ADRA2C: variants seen among roughly 807,000 people sequenced by gnomAD.
ADRA2C encodes the protein adrenoceptor alpha 2C.
In ADRA2C, 4 loss-of-function variants were observed where a neutral mutation model predicts 7.9. That is an observed-to-expected ratio of 0.51 (90% CI 0.25 to 1.16). ADRA2C has a LOEUF of 1.16. ADRA2C is among the 50% of genes most tolerant of loss of function. ADRA2C has a pLI of 0.15. For missense variants in ADRA2C, 589 were observed against 677.7 expected (o/e 0.87, Z 1.45); for synonymous variants, 368 against 328.9 (o/e 1.12, Z -1.29).
chr4:3,766,471 G>T lies in ADRA2C; in HGVS notation c.-136G>T. ...GAGCCACCACGGCCGAGGGCCGGCT[G>T]CTGGGCGCCGCGGTCCCCGGCGGGC... On this transcript the variant is annotated 5_prime_UTR_variant, in exon 1 of 1. Transcript: ENST00000330055. This position sits in a 1 kb window ranked among gnomAD's most constrained non-coding sequence, Gnocchi z 4.5. The T allele has an allele frequency of 3.7e-6, 2 of 545,048 alleles. No individual in the cohort carries two copies. The highest frequency in any genetic ancestry group is 4.7e-6 in the Non-Finnish European group (2 of 430,022). The allele number at this position is 545,048 out of a possible 1,614,324, so 33.8% of individuals were successfully genotyped here.
chr4:3,768,021 C>G lies in ADRA2C; in HGVS notation c.*26C>G. 1 of 1,571,434 alleles carries G rather than the reference C, an allele frequency of 6.4e-7. No homozygotes were observed. On this transcript the variant is annotated 3_prime_UTR_variant, in exon 1 of 1. Coordinates refer to ENST00000330055, the MANE Select transcript of ADRA2C (RefSeq NM_000683.4). ...CTCGCACCCGTCTGGGAATCCTGGACAGCTCCGCGCTCGGGGCTGGGCAGA... is the reference window on the plus strand; with the variant it reads ...CTCGCACCCGTCTGGGAATCCTGGAGAGCTCCGCGCTCGGGGCTGGGCAGA...
Position 3,768,071 on chromosome 4 carries a change from T to TTCCCCGAGACCCGGGGAGCTC in ADRA2C, c.*80_*81insCGAGACCCGGGGAGCTCTCCC. 1 of 1,473,146 alleles carries TTCCCCGAGACCCGGGGAGCTC rather than the reference T, an allele frequency of 6.8e-7. No homozygotes were observed. Among genetic ancestry groups the TTCCCCGAGACCCGGGGAGCTC allele is most frequent in the Non-Finnish European group, 9.2e-7 (1 of 1,087,090 alleles). The allele number at this position is 1,473,146 out of a possible 1,614,324, so 91.3% of individuals were successfully genotyped here. Reference sequence around the variant, plus strand: ...AAGGGGCGGCCCGGACGGGGGAGCTTTCCCAGAGACCCGGGGATGGATTGG... The same window carrying TTCCCCGAGACCCGGGGAGCTC: ...AAGGGGCGGCCCGGACGGGGGAGCTTTCCCCGAGACCCGGGGAGCTCTCCCAGAGACCCGGGGATGGATTGG... On this transcript the variant is annotated 3_prime_UTR_variant, in exon 1 of 1. Transcript: ENST00000330055.
Position 3,767,172 on chromosome 4 carries a change from C to T in ADRA2C, c.566C>T (p.Ser189Leu). Residue 189 changes from serine to leucine, a missense_variant, in exon 1 of 1, where the codon TCG (serine) becomes TTG (leucine). Coordinates refer to ENST00000330055, the MANE Select transcript of ADRA2C (RefSeq NM_000683.4). Reference sequence around the variant, plus strand: ...GTCATCTCCTTCCCGCCGCTGGTCTCGCTCTACCGCCAGCCCGACGGCGCC... The same window carrying T: ...GTCATCTCCTTCCCGCCGCTGGTCTTGCTCTACCGCCAGCCCGACGGCGCC... ...SAVISFPPLVSLYRQPDGAAY... is the reference protein window; with the variant it reads ...SAVISFPPLVLLYRQPDGAAY... The T allele has an allele frequency of 6.2e-7, 1 of 1,609,792 alleles. No individual in the cohort carries two copies. The highest frequency in any genetic ancestry group is 8.5e-7 in the Non-Finnish European group (1 of 1,179,646).
chr4:3,767,795 C>T lies in ADRA2C; in HGVS notation c.1189C>T (p.Pro397Ser). ...VMGVFVLCWF[P>S]FFFSYSLYGI... ...GGGCGTGTTCGTGCTCTGCTGGTTC[C>T]CCTTCTTCTTCAGCTACAGCCTGTA... The change falls in exon 1 of 1, where the codon CCC becomes TCC. Residue 397 changes from proline to serine, a missense_variant. Coordinates refer to ENST00000330055, the MANE Select transcript of ADRA2C (RefSeq NM_000683.4). 6.2e-7 allele frequency: 1 copy of T among 1,613,288 alleles called. No individual in the cohort carries two copies. Among genetic ancestry groups the T allele is most frequent in the Non-Finnish European group, 8.5e-7 (1 of 1,179,858 alleles).
Position 3,767,370 on chromosome 4 carries a change from G to A in ADRA2C, c.764G>A (p.Gly255Asp), listed in dbSNP as rs1242250190. ...AAGCGCGCCCCCGTGGGCCCCGACG[G>A]TGCGTCCCCGACTACCGAAAACGGG... ...SEKRAPVGPD[G>D]ASPTTENGLG... Residue 255 changes from glycine to aspartate, a missense_variant, in exon 1 of 1, where the codon GGT (glycine) becomes GAT (aspartate). Coordinates refer to ENST00000330055, the MANE Select transcript of ADRA2C (RefSeq NM_000683.4). 1 of 1,540,922 alleles carries A rather than the reference G, an allele frequency of 6.5e-7. No individual in the cohort carries two copies. The highest frequency in any genetic ancestry group is 2.4e-5 in the East Asian group (1 of 40,884).
chr4:3,767,190 A>G lies in ADRA2C; in HGVS notation c.584A>G (p.Asp195Gly). 1.2e-6 allele frequency: 2 copies of G among 1,610,090 alleles called. No individual in the cohort carries two copies. Among genetic ancestry groups the G allele is most frequent in the Non-Finnish European group, 1.7e-6 (2 of 1,179,518 alleles). ...PPLVSLYRQP[D>G]GAAYPQCGLN... is the part of the protein sequence containing the mutation. ...CTGGTCTCGCTCTACCGCCAGCCCG[A>G]CGGCGCCGCCTACCCGCAGTGCGGC... The change falls in exon 1 of 1, where the codon GAC becomes GGC. Residue 195 changes from aspartate (D) to glycine (G), a missense_variant. Coordinates refer to ENST00000330055, the MANE Select transcript of ADRA2C (RefSeq NM_000683.4).
Position 3,767,145 on chromosome 4 carries a change from C to T in ADRA2C, c.539C>T (p.Ala180Val), listed in dbSNP as rs1735463415. 1.2e-6 allele frequency: 2 copies of T among 1,608,260 alleles called. No individual in the cohort carries two copies. Among genetic ancestry groups the T allele is most frequent in the Non-Finnish European group, 1.7e-6 (2 of 1,179,608 alleles). The change falls in exon 1 of 1, where the codon GCC becomes GTC. Residue 180 changes from alanine to valine, a missense_variant. Transcript: ENST00000330055. ...ATIVAVWLIS[A>V]VISFPPLVSL... ...ATCGTGGCCGTGTGGCTCATCTCGG[C>T]CGTCATCTCCTTCCCGCCGCTGGTC... is the stretch of plus-strand genomic sequence containing the variant.
rs1189024986 is a variant in ADRA2C at position 3,766,561 on chromosome 4, G to A, written c.-46G>A. On this transcript the variant is annotated 5_prime_UTR_variant, in exon 1 of 1. Transcript: ENST00000330055. This position sits in a 1 kb window ranked among gnomAD's most constrained non-coding sequence, Gnocchi z 4.5. ...GCTGGGGGGCGCCCGAGCTGCCGCG[G>A]CTGCGCCCCGGCTCCAGGAGGGACG... 8.9e-7 allele frequency: 1 copy of A among 1,120,788 alleles called. No homozygotes were observed. The highest frequency in any genetic ancestry group is 1.7e-5 in the African/African-American group (1 of 60,106). 69.4% of individuals were successfully genotyped at this position (1,120,788 alleles called of 1,614,324 possible).
At position 3,766,548 on chromosome 4, in the gene ADRA2C, C is replaced by G; in HGVS notation, c.-59C>G. The G allele has an allele frequency of 9.2e-7, 1 of 1,084,710 alleles. No individual in the cohort carries two copies. The highest frequency in any genetic ancestry group is 1.1e-6 in the Non-Finnish European group (1 of 895,446). 67.2% of individuals were successfully genotyped at this position (1,084,710 alleles called of 1,614,324 possible). A position where few individuals can be genotyped will look rare whatever the true frequency, so the allele number is the denominator to read the frequency against. ...GGCGCCGACCCCGGCTGGGGGGCGC[C>G]CGAGCTGCCGCGGCTGCGCCCCGGC... On this transcript the variant is annotated 5_prime_UTR_variant, in exon 1 of 1. Transcript: ENST00000330055. The surrounding 1 kb of genome is among the most constrained non-coding windows in gnomAD (Gnocchi z 4.5).
Position 3,767,291 on chromosome 4 carries a change from G to T in ADRA2C, c.685G>T (p.Val229Phe). The change falls in exon 1 of 1, where the codon GTC (valine) becomes TTC (phenylalanine). Residue 229 changes from valine to phenylalanine, a missense_variant. Transcript: ENST00000330055. The part of the protein sequence containing the change: ...FFAPCLIMGL[V>F]YARIYRVAKL... ...CGCGCCCTGCCTCATCATGGGCCTGGTCTACGCGCGCATCTACCGAGTGGC... is the reference window on the plus strand; with the variant it reads ...CGCGCCCTGCCTCATCATGGGCCTGTTCTACGCGCGCATCTACCGAGTGGC... The T allele has an allele frequency of 1.9e-6, 3 of 1,599,398 alleles. No homozygotes were observed. Among genetic ancestry groups the T allele is most frequent in the Non-Finnish European group, 2.6e-6 (3 of 1,174,110 alleles).
Position 3,766,879 on chromosome 4 carries a change from G to A in ADRA2C, c.273G>A (p.Val91=), listed in dbSNP as rs574606216. The change falls in exon 1 of 1, where the codon GTG becomes GTA. Residue 91 remains valine, a synonymous_variant. Coordinates refer to ENST00000330055, the MANE Select transcript of ADRA2C (RefSeq NM_000683.4). The surrounding 1 kb of genome is among the most constrained non-coding windows in gnomAD (Gnocchi z 4.5). ...GCGCGCCACAGAACCTCTTCCTGGT[G>A]TCGCTGGCCTCGGCCGACATCCTGG... ...ALRAPQNLFL[V]SLASADILVA... 9 of 1,608,072 alleles carry A rather than the reference G, an allele frequency of 5.6e-6. No homozygotes were observed. The highest frequency in any genetic ancestry group is 1.7e-5 in the Admixed American group (1 of 59,396).
chr4:3,767,460 C>G lies in ADRA2C; in HGVS notation c.854C>G (p.Pro285Arg), dbSNP rs912042800. 4 of 1,466,368 alleles carry G rather than the reference C, an allele frequency of 2.7e-6. No homozygotes were observed. The African/African-American group carries it at 4.5e-5, about 16-fold the overall frequency. 90.8% of individuals were successfully genotyped at this position (1,466,368 alleles called of 1,614,324 possible). ...GCGCCCCCGCCCGCCGACGTGGAGC[C>G]GGACGAGAGCAGCGCAGCGGCCGAG... ...HCAPPPADVE[P>R]DESSAAAERR... is the part of the protein sequence containing the mutation. The change falls in exon 1 of 1, where the codon CCG becomes CGG. Residue 285 changes from proline (P) to arginine (R), a missense_variant. By Grantham distance (103) the Pro-to-Arg change is moderately radical. Coordinates refer to ENST00000330055, the MANE Select transcript of ADRA2C (RefSeq NM_000683.4).
Position 3,768,062 on chromosome 4 carries a change from G to GGGGGAGCGTTCCCAGAGACCC in ADRA2C, c.*74_*75insGTTCCCAGAGACCCGGGGAGC, listed in dbSNP as rs1735499102. Reference sequence around the variant, plus strand: ...GCTGGGCAGAAGGGGCGGCCCGGACGGGGGAGCTTTCCCAGAGACCCGGGG... The same window carrying GGGGGAGCGTTCCCAGAGACCC: ...GCTGGGCAGAAGGGGCGGCCCGGACGGGGGAGCGTTCCCAGAGACCCGGGGAGCTTTCCCAGAGACCCGGGG... On this transcript the variant is annotated 3_prime_UTR_variant, in exon 1 of 1. Transcript: ENST00000330055. 2 of 1,157,882 alleles carry GGGGGAGCGTTCCCAGAGACCC rather than the reference G, an allele frequency of 1.7e-6. No individual in the cohort carries two copies. Among genetic ancestry groups the GGGGGAGCGTTCCCAGAGACCC allele is most frequent in the Admixed American group, 2.4e-5 (1 of 41,426 alleles). The allele number at this position is 1,157,882 out of a possible 1,614,324, so 71.7% of individuals were successfully genotyped here.
chr4:3,768,388 A>C lies in ADRA2C; in HGVS notation c.*393A>C. 4.6e-6 allele frequency: 3 copies of C among 658,564 alleles called. No homozygotes were observed. The highest frequency in any genetic ancestry group is 8.5e-6 in the Non-Finnish European group (3 of 354,182). The allele number at this position is 658,564 out of a possible 1,614,324, so 40.8% of individuals were successfully genotyped here. ...CGTCTGACCAAGGGCTGACTTCTCC[A>C]GGACCTAGTCGGGGGGTGGCTGCCA... is the stretch of plus-strand genomic sequence containing the variant. On this transcript the variant is annotated 3_prime_UTR_variant, in exon 1 of 1. Coordinates refer to ENST00000330055, the MANE Select transcript of ADRA2C (RefSeq NM_000683.4).
At position 3,767,402 on chromosome 4, in the gene ADRA2C, G is replaced by A. The variant is rs1356367008; in HGVS notation, c.796G>A (p.Ala266Thr). ...CCCGACTACCGAAAACGGGCTGGGC[G>A]CGGCGGCAGGCGCAGGCGAGAACGG... ...ASPTTENGLG[A>T]AAGAGENGHC... The change falls in exon 1 of 1, where the codon GCG becomes ACG. Residue 266 changes from alanine (A) to threonine (T), a missense_variant. By Grantham distance (58) the Ala-to-Thr change is moderately conservative. Coordinates refer to ENST00000330055, the MANE Select transcript of ADRA2C (RefSeq NM_000683.4). 2 of 1,533,388 alleles carry A rather than the reference G, an allele frequency of 1.3e-6. No homozygotes were observed. The highest frequency in any genetic ancestry group is 1.7e-4 in the Middle Eastern group (1 of 5,950). The allele number at this position is 1,533,388 out of a possible 1,614,324, so 95.0% of individuals were successfully genotyped here. A position where few individuals can be genotyped will look rare whatever the true frequency, so the allele number is the denominator to read the frequency against.
chr4:3,768,044 A>T lies in ADRA2C; in HGVS notation c.*49A>T. On this transcript the variant is annotated 3_prime_UTR_variant, in exon 1 of 1. Coordinates refer to ENST00000330055, the MANE Select transcript of ADRA2C (RefSeq NM_000683.4). The stretch of plus-strand genomic sequence containing the variant: ...GACAGCTCCGCGCTCGGGGCTGGGC[A>T]GAAGGGGCGGCCCGGACGGGGGAGC... 1 of 440,654 alleles carries T rather than the reference A, an allele frequency of 2.3e-6. No homozygotes were observed. The highest frequency in any genetic ancestry group is 3.4e-6 in the Non-Finnish European group (1 of 296,772). 27.3% of individuals were successfully genotyped at this position (440,654 alleles called of 1,614,324 possible).
Position 3,767,551 on chromosome 4 carries a change from G to T in ADRA2C, c.945G>T (p.Ala315=), listed in dbSNP as rs1735479012. 1 of 1,070,844 alleles carries T rather than the reference G, an allele frequency of 9.3e-7. No homozygotes were observed. The highest frequency in any genetic ancestry group is 6.0e-5 in the East Asian group (1 of 16,704). The allele number at this position is 1,070,844 out of a possible 1,614,324, so 66.3% of individuals were successfully genotyped here. Residue 315 remains alanine, a synonymous_variant, in exon 1 of 1, where the codon GCG becomes GCT. Coordinates refer to ENST00000330055, the MANE Select transcript of ADRA2C (RefSeq NM_000683.4). ...GRRRAGAEGG[A]GGADGQGAGP... ...GGCGAGCGGGCGCGGAGGGGGGCGCGGGCGGTGCGGACGGGCAGGGGGCGG... is the reference window on the plus strand; with the variant it reads ...GGCGAGCGGGCGCGGAGGGGGGCGCTGGCGGTGCGGACGGGCAGGGGGCGG...
rs370997222 is a variant in ADRA2C at position 3,767,872 on chromosome 4, C to T, written c.1266C>T (p.Phe422=). 27 of 1,612,958 alleles carry T rather than the reference C, an allele frequency of 1.7e-5. No homozygotes were observed. The highest frequency in any genetic ancestry group is 4.5e-5 in the East Asian group (2 of 44,894). ...TGCCCGGCCCGCTCTTCAAGTTCTT[C>T]TTCTGGATCGGCTACTGCAACAGCT... The part of the protein sequence containing the change: ...CQVPGPLFKF[F]FWIGYCNSSL... The change falls in exon 1 of 1, where the codon TTC becomes TTT. Residue 422 remains phenylalanine (F), a synonymous_variant. Coordinates refer to ENST00000330055, the MANE Select transcript of ADRA2C (RefSeq NM_000683.4).
Position 3,767,313 on chromosome 4 carries a change from T to C in ADRA2C, c.707T>C (p.Val236Ala). 6.3e-7 allele frequency: 1 copy of C among 1,586,920 alleles called. No individual in the cohort carries two copies. Among genetic ancestry groups the C allele is most frequent in the Non-Finnish European group, 8.6e-7 (1 of 1,168,356 alleles). The part of the protein sequence containing the change: ...MGLVYARIYR[V>A]AKLRTRTLSE... ...CTGGTCTACGCGCGCATCTACCGAGTGGCCAAGCTGCGCACGCGCACGCTC... is the reference window on the plus strand; with the variant it reads ...CTGGTCTACGCGCGCATCTACCGAGCGGCCAAGCTGCGCACGCGCACGCTC... Residue 236 changes from valine to alanine, a missense_variant, in exon 1 of 1, where the codon GTG (valine) becomes GCG (alanine). Coordinates refer to ENST00000330055, the MANE Select transcript of ADRA2C (RefSeq NM_000683.4).
Sources: allele counts gnomAD v4.1 joint callset, GRCh38; gene constraint gnomAD v4.1.1; non-coding constraint Gnocchi (gnomAD v3.1); transcripts MANE v1.5; gene names NCBI Gene and HGNC (gene_info 2026-07-23, HGNC 2026-07-21).